CNTN5: variants seen among roughly 807,000 people sequenced by gnomAD.
CNTN5 encodes contactin 5.
A neutral mutation model predicts 129.1 loss-of-function variants in CNTN5; 77 were observed. The observed-to-expected ratio is 0.60, with a 90% CI of 0.50 to 0.72. The LOEUF (loss-of-function observed/expected upper bound fraction) is 0.72, where lower values mean the gene tolerates loss of function less well. Ranked by LOEUF, CNTN5 falls within the 30% of genes least tolerant of loss-of-function variation. CNTN5 has a pLI of 0.00. For missense variants in CNTN5, 1,478 were observed against 1,328.8 expected (o/e 1.11, Z -1.75); for synonymous variants, 509 against 465.6 (o/e 1.09, Z -1.20).
At chr11:99,978,946 T>C (rs1361578600) in intron 8 of CNTN5, among the ~76,000 whole-genome samples, 3 of 152,198 alleles carry the variant, frequency 2.0e-5, no homozygotes, top group African/African-American at 7.2e-5. Context: ...AGAGAGCTTT[T>C]GAGGTAGGCT....
chr11:99,636,447 C>G (rs1236776463), intron 3 of CNTN5, among the ~76,000 whole-genome samples: 2 of 150,574 alleles, frequency 1.3e-5, no homozygotes, highest in Non-Finnish European at 2.9e-5. Flanking sequence ...CTTTTCTGTT[C>G]TGGCCTATCA....
At chr11:99,819,333 C>CCCTCCCCTCT (rs1946705123) in intron 3 of CNTN5, among the ~76,000 whole-genome samples, 1 of 58,976 alleles carries the variant, frequency 1.7e-5, no homozygotes, top group Non-Finnish European at 3.5e-5. Flanking sequence ...CCCTCCCCTC[C>CCCTCCCCTCT]CCTCCTTTCC....
chr11:100,175,649 G>C (rs1947943416), intron 13 of CNTN5, among the ~76,000 whole-genome samples: 1 of 152,242 alleles, frequency 6.6e-6, no homozygotes, highest in South Asian at 2.1e-4. Context: ...AAATCAAAGA[G>C]CCTGGTTGAA....
At chr11:99,996,120 G>C (rs1939428413) in intron 8 of CNTN5, among the ~76,000 whole-genome samples, 1 of 152,014 alleles carries the variant, frequency 6.6e-6, no homozygotes, top group Non-Finnish European at 1.5e-5. Context: ...AAATTATAGT[G>C]TTATTATTGA....
intron 3 of CNTN5, among the ~76,000 whole-genome samples, chr11:99,709,033 A>G (rs1379378911): frequency 1.3e-5 from 2 of 151,868 alleles, no homozygotes; most frequent in South Asian, 2.1e-4. Flanking sequence ...TGTTTTTGCC[A>G]TCTCTTCCTC....
intron 1 of CNTN5, among the ~76,000 whole-genome samples, chr11:99,288,499 T>C (rs1421223839): frequency 1.3e-5 from 2 of 151,920 alleles, no homozygotes; most frequent in African/African-American, 2.4e-5. Flanking sequence ...AGCTGTCCAA[T>C]GATGTAATTG....
intron 3 of CNTN5, among the ~76,000 whole-genome samples, chr11:99,807,387 A>G (rs947614486): frequency 2.0e-5 from 3 of 152,220 alleles, no homozygotes; most frequent in African/African-American, 7.2e-5. Flanking sequence ...GTTTGGTTAT[A>G]TATGACAGAT....
chr11:100,150,433 T>C (rs1325692823), intron 13 of CNTN5, among the ~76,000 whole-genome samples: 1 of 152,128 alleles, frequency 6.6e-6, no homozygotes, highest in Non-Finnish European at 1.5e-5. Context: ...TATGGCCATA[T>C]GTTCAATTTT....
At chr11:99,564,341 G>A (rs963359886) in intron 3 of CNTN5, among the ~76,000 whole-genome samples, 2 of 151,992 alleles carry the variant, frequency 1.3e-5, no homozygotes, top group African/African-American at 4.8e-5. Flanking sequence ...TCCTGCCCAG[G>A]CCTCCTAAAG....
chr11:100,206,797 G>A (rs1591392638), intron 15 of CNTN5, among the ~76,000 whole-genome samples: 1 of 152,006 alleles, frequency 6.6e-6, no homozygotes, highest in South Asian at 2.1e-4. Flanking sequence ...TTTTAGGACA[G>A]GGATTATATC....
At chr11:99,115,342 TAAATG>T (rs1251244059) in intron 1 of CNTN5, among the ~76,000 whole-genome samples, 1 of 152,204 alleles carries the variant, frequency 6.6e-6, no homozygotes, top group Non-Finnish European at 1.5e-5. Flanking sequence ...AAGGAAAAAT[TAAATG>T]AAATGTAATA....
intron 15 of CNTN5, among the ~76,000 whole-genome samples, chr11:100,210,174 C>CAAAAAAAA (rs59613776): frequency 3.7e-5 from 3 of 81,110 alleles, no homozygotes; most frequent in Admixed American, 1.4e-4. Flanking sequence ...TGCCTCTATA[C>CAAAAAAAA]AAAAAAAAAA....
chr11:99,107,048 GCTAT>G (rs1256861664), intron 1 of CNTN5, among the ~76,000 whole-genome samples: 6 of 152,164 alleles, frequency 3.9e-5, no homozygotes, highest in African/African-American at 1.4e-4. Flanking sequence ...TATCCAAAAT[GCTAT>G]CTGTTATCAA....
intron 3 of CNTN5, among the ~76,000 whole-genome samples, chr11:99,763,005 A>G (rs1944635163): frequency 6.6e-6 from 1 of 152,128 alleles, no homozygotes; most frequent in South Asian, 2.1e-4. Context: ...CTTATTTGAT[A>G]GCCCAAATCT....
intron 6 of CNTN5, among the ~76,000 whole-genome samples, chr11:99,908,592 T>C (rs1015129317): frequency 6.6e-6 from 1 of 152,070 alleles, no homozygotes; most frequent in Non-Finnish European, 1.5e-5. Flanking sequence ...TTTTATCAAA[T>C]GTATAAAACC....
At chr11:100,104,471 A>G (rs1591251661) in intron 13 of CNTN5, among the ~76,000 whole-genome samples, 1 of 152,162 alleles carries the variant, frequency 6.6e-6, no homozygotes, top group East Asian at 1.9e-4. Context: ...AAAATCACAT[A>G]TAATAACTAT....
At chr11:99,868,655 G>A (rs1373331470) in intron 6 of CNTN5, among the ~76,000 whole-genome samples, 1 of 152,170 alleles carries the variant, frequency 6.6e-6, no homozygotes, top group Admixed American at 6.5e-5. Context: ...GCTGAAAGAG[G>A]CGAAAAGGGA....
intron 6 of CNTN5, among the ~76,000 whole-genome samples, chr11:99,867,037 T>A (rs1245556601): frequency 1.3e-5 from 2 of 152,228 alleles, no homozygotes; most frequent in Non-Finnish European, 2.9e-5. Flanking sequence ...ATTGAAGAAG[T>A]CTTCAATCCC....
chr11:99,239,398 C>T (rs889761862), intron 1 of CNTN5, among the ~76,000 whole-genome samples: 1 of 152,108 alleles, frequency 6.6e-6, no homozygotes, highest in Non-Finnish European at 1.5e-5. Flanking sequence ...AGTTTAGTCT[C>T]GAATCTAAGT....
Sources: gnomAD v4.1 joint callset for allele counts (sites outside exome capture counted in the v4.1 genomes callset) on GRCh38, gnomAD v4.1.1 for gene constraint, MANE v1.5 for transcripts, NCBI Gene and HGNC (gene_info 2026-07-23, HGNC 2026-07-21) for gene names.